ANKFN1: variants seen among roughly 807,000 people sequenced by gnomAD.
The protein encoded by ANKFN1 is ankyrin repeat and fibronectin type III domain containing 1, also known as ankyrin repeat and fibronectin type-III domain-containing protein 1.
ANKFN1 carries 74 observed loss-of-function variants against 108.7 expected under a neutral mutation model. That is an observed-to-expected ratio of 0.68 (90% CI 0.56 to 0.83). The LOEUF (loss-of-function observed/expected upper bound fraction) is 0.83, where lower values mean the gene tolerates loss of function less well. ANKFN1 is among the 40% of genes least tolerant of loss of function. The probability of loss-of-function intolerance (pLI) is 0.00; values close to 1 mark genes in which losing one functional copy is unlikely to be tolerated. For missense variants in ANKFN1, 1,505 were observed against 1,382.3 expected (o/e 1.09, Z -1.41); for synonymous variants, 547 against 516.2 (o/e 1.06, Z -0.81).
In ANKFN1 at chr17:56,495,313, GTC is replaced by G. The variant is rs150627971; in HGVS notation, c.2427+2983_2427+2984del. The stretch of plus-strand genomic sequence containing the variant: ...TCTCTCCCTTTATGTTGACTTTGTG[GTC>G]TCTCTCTCTCTCTCTCTCTCTCACT... On this transcript the variant is annotated intron_variant, in intron 19 of 20. Coordinates refer to ENST00000682825, the MANE Select transcript of ANKFN1 (RefSeq NM_001370326.1). Among the ~76,000 whole-genome samples the G allele has an allele frequency of 3.1e-3, 461 of 147,364 alleles. 1 individual carries two copies. The highest frequency in any genetic ancestry group is 0.01 in the African/African-American group (399 of 39,880).
chr17:56,487,178 A>G (rs1390404260), intron 18 of ANKFN1, among the ~76,000 whole-genome samples: 1 of 152,162 alleles, frequency 6.6e-6, no homozygotes, highest in African/African-American at 2.4e-5. Context: ...GGCAAAATGA[A>G]TTCACCAAAA....
intron 2 of ANKFN1, among the ~76,000 whole-genome samples, chr17:56,226,304 C>G (rs1916264788): frequency 6.6e-6 from 1 of 152,088 alleles, no homozygotes; most frequent in African/African-American, 2.4e-5. Flanking sequence ...CTAAGAAATT[C>G]AGTCCAATAA....
At chr17:56,452,718 C>A (rs145214620) in intron 11 of ANKFN1, among the ~76,000 whole-genome samples, 1 of 152,250 alleles carries the variant, frequency 6.6e-6, no homozygotes, top group Non-Finnish European at 1.5e-5. Context: ...TTGCATGTGC[C>A]CTTTTCCCAA....
chr17:56,508,432 A>G (rs1478173072), intron 20 of ANKFN1, among the ~76,000 whole-genome samples: 3 of 152,188 alleles, frequency 2.0e-5, no homozygotes, highest in Non-Finnish European at 2.9e-5. Context: ...ATGTACAGGA[A>G]ATCCCATGCA....
chr17:56,461,413 C>T (rs1168365047), intron 14 of ANKFN1, among the ~76,000 whole-genome samples: 2 of 152,168 alleles, frequency 1.3e-5, no homozygotes, highest in East Asian at 3.9e-4. Flanking sequence ...CCTTGGCTTC[C>T]ACAATTTCAC....
At chr17:56,300,093 G>A (rs1234030781) in intron 3 of ANKFN1, among the ~76,000 whole-genome samples, 1 of 152,188 alleles carries the variant, frequency 6.6e-6, no homozygotes, top group African/African-American at 2.4e-5. Flanking sequence ...GGAGCTCCGT[G>A]TTTTCACCCA....
intron 20 of ANKFN1, among the ~76,000 whole-genome samples, chr17:56,507,231 C>A (rs1204087025): frequency 1.3e-5 from 2 of 152,214 alleles, no homozygotes; most frequent in African/African-American, 4.8e-5. Flanking sequence ...CTATTACTTG[C>A]AGTGTCCTAA....
intron 4 of ANKFN1, among the ~76,000 whole-genome samples, chr17:56,133,950 C>T (rs1567798623): frequency 6.6e-6 from 1 of 152,048 alleles, no homozygotes; most frequent in Non-Finnish European, 1.5e-5. Flanking sequence ...CATCAGATCC[C>T]ATAGGTTAAG....
At chr17:56,310,232 C>G (rs2044972712) in intron 3 of ANKFN1, among the ~76,000 whole-genome samples, 1 of 152,168 alleles carries the variant, frequency 6.6e-6, no homozygotes, top group African/African-American at 2.4e-5. Context: ...CTGGAATTTA[C>G]CATTTAATAT....
chr17:56,122,582 T>G (rs889650577), intron 4 of ANKFN1, among the ~76,000 whole-genome samples: 14 of 152,162 alleles, frequency 9.2e-5, no homozygotes. Context: ...CAGAGAAAAC[T>G]TCATTCATCC....
At chr17:56,432,071 G>C (rs554030880) in intron 8 of ANKFN1, among the ~76,000 whole-genome samples, 28 of 152,342 alleles carry the variant, frequency 1.8e-4, no homozygotes, top group African/African-American at 6.3e-4. Flanking sequence ...CTTTTCAAGG[G>C]AGGTGTGGTG....
chr17:56,148,948 A>G (rs1908431703), upstream of ANKFN1, among the ~76,000 whole-genome samples: 1 of 152,184 alleles, frequency 6.6e-6, no homozygotes, highest in South Asian at 2.1e-4. Flanking sequence ...AAAGGTACGT[A>G]TTATTTATCC....
At chr17:56,125,541 T>C (rs1281777839) in intron 4 of ANKFN1, among the ~76,000 whole-genome samples, 2 of 152,228 alleles carry the variant, frequency 1.3e-5, no homozygotes, top group African/African-American at 2.4e-5. Flanking sequence ...TATTGTGTGC[T>C]TACCATGTTC....
At chr17:56,093,265 A>G (rs1344366773) in intron 4 of ANKFN1, among the ~76,000 whole-genome samples, 1 of 151,024 alleles carries the variant, frequency 6.6e-6, no homozygotes, top group Non-Finnish European at 1.5e-5. Context: ...TCTAGCACAA[A>G]GAGTTCAGCA....
chr17:56,314,156 C>T (rs139787254), intron 3 of ANKFN1, among the ~76,000 whole-genome samples: 3 of 151,928 alleles, frequency 2.0e-5, no homozygotes, highest in Admixed American at 2.0e-4. Flanking sequence ...ATGAATATAC[C>T]ACAATTTGTT....
chr17:56,437,935 G>T (rs2048978124), intron 8 of ANKFN1, among the ~76,000 whole-genome samples: 1 of 149,718 alleles, frequency 6.7e-6, no homozygotes, highest in African/African-American at 2.5e-5. Flanking sequence ...TCACATGAAA[G>T]AAAAATATTT....
intron 3 of ANKFN1, among the ~76,000 whole-genome samples, chr17:56,279,926 A>T (rs1049043142): frequency 6.6e-6 from 1 of 152,104 alleles, no homozygotes; most frequent in Non-Finnish European, 1.5e-5. Flanking sequence ...TTTTAAAAGG[A>T]GAGCTTTTAA....
intron 1 of ANKFN1, among the ~76,000 whole-genome samples, chr17:56,208,782 C>T (rs1401220566): frequency 1.3e-5 from 2 of 152,144 alleles, no homozygotes; most frequent in African/African-American, 4.8e-5. Context: ...CCTAGTAGTC[C>T]CCCACATCTG....
intron 16 of ANKFN1, 45 bp downstream of exon 16, chr17:56,477,699 C>T (rs779729739): frequency 1.9e-6 from 3 of 1,585,968 alleles, no homozygotes; most frequent in Non-Finnish European, 2.6e-6. Flanking sequence ...GAAACAGTGG[C>T]TCAAGTGACC....
Sources: gnomAD v4.1 joint callset for allele counts (sites outside exome capture counted in the v4.1 genomes callset) on GRCh38, gnomAD v4.1.1 for gene constraint, MANE v1.5 for transcripts, NCBI Gene and HGNC (gene_info 2026-07-23, HGNC 2026-07-21) for gene names.